The following COL21A1 variants were observed in gnomAD, a reference collection of about 807,000 sequenced individuals.
The protein encoded by COL21A1 is collagen type XXI alpha 1 chain, also known as collagen alpha-1(XXI) chain.
Under a neutral mutation model 137.9 loss-of-function variants are expected in COL21A1, and 149 were observed. That is an observed-to-expected ratio of 1.08 (90% CI 0.95 to 1.24). The LOEUF (loss-of-function observed/expected upper bound fraction) is 1.24, where lower values mean the gene tolerates loss of function less well. COL21A1 is among the 50% of genes most tolerant of loss of function. COL21A1 has a pLI of 0.00. For missense variants in COL21A1, 1,167 were observed against 1,158.4 expected (o/e 1.01, Z -0.11); for synonymous variants, 456 against 391.5 (o/e 1.16, Z -1.95).
rs1765261367 is a variant in COL21A1, at chr6:56,332,890, A to T, written c.-39+61081T>A. On this transcript the variant is annotated intron_variant, in intron 1 of 28. Coordinates refer to the COL21A1 transcript ENST00000370819. ...TGTTCTCATACCAACTACTTTGTAA[A>T]AACTCTTTAGGTGTTAAAAATTATA... Among the ~76,000 whole-genome samples, 3 of 152,054 alleles carry T rather than the reference A, an allele frequency of 2.0e-5. No individual in the cohort carries two copies. In the South Asian group the frequency reaches 6.2e-4, roughly 31 times the overall value.
intron 17 of COL21A1, among the ~76,000 whole-genome samples, chr6:56,082,080 C>T (rs141987067): frequency 6.6e-6 from 1 of 151,986 alleles, no homozygotes; most frequent in African/African-American, 2.4e-5. Flanking sequence ...AACAATGTTA[C>T]GTTGCAAAAG....
At chr6:56,280,323 T>C (rs1763761253) in intron 1 of COL21A1, among the ~76,000 whole-genome samples, 1 of 152,190 alleles carries the variant, frequency 6.6e-6, no homozygotes, top group African/African-American at 2.4e-5. Context: ...GGACCAGGCT[T>C]TTATTGCTCG....
chr6:56,352,971 G>A (rs567911439), intron 1 of COL21A1, among the ~76,000 whole-genome samples: 1 of 152,308 alleles, frequency 6.6e-6, no homozygotes, highest in South Asian at 2.1e-4. Flanking sequence ...AATCGGGGAA[G>A]TGGAGGTTGC....
At chr6:56,116,388 G>T (rs1354818782) in intron 16 of COL21A1, among the ~76,000 whole-genome samples, 1 of 87,690 alleles carries the variant, frequency 1.1e-5, no homozygotes, top group Non-Finnish European at 2.1e-5. Flanking sequence ...TTTTTTAAGT[G>T]CCAAAGGTAA....
rs1272887246 is a variant in COL21A1 at position 56,074,234 on chromosome 6, T to C, written c.1963A>G (p.Lys655Glu). 1 of 1,581,202 alleles carries C rather than the reference T, an allele frequency of 6.3e-7. No individual in the cohort carries two copies. The highest frequency in any genetic ancestry group is 8.6e-7 in the Non-Finnish European group (1 of 1,163,848). ...CTTGTTTATTTTATCATATTTACCT[T>C]AGATCCCGGTGTTCCAGGCTGGCCT... ...SPGQPGTPGSKGSKGEPGIQG... is the reference protein window; with the variant it reads ...SPGQPGTPGSEGSKGEPGIQG... The change falls in exon 20 of 30, where the codon AAG becomes GAG. Residue 655 changes from lysine to glutamate, a missense_variant and splice_region_variant. Coordinates refer to ENST00000244728, the MANE Select transcript of COL21A1 (RefSeq NM_030820.4).
At chr6:56,236,802 C>T (rs1200087133) in intron 1 of COL21A1, among the ~76,000 whole-genome samples, 1 of 151,992 alleles carries the variant, frequency 6.6e-6, no homozygotes, top group African/African-American at 2.4e-5. Flanking sequence ...TGAAATTAAA[C>T]TTGTCTACTC....
intron 1 of COL21A1, among the ~76,000 whole-genome samples, chr6:56,194,900 G>A (rs1169262530): frequency 6.6e-6 from 1 of 152,172 alleles, no homozygotes; most frequent in Non-Finnish European, 1.5e-5. Flanking sequence ...CTTTTAAAAG[G>A]TGATTGGGTC....
chr6:56,331,160 G>T (rs533328797), intron 1 of COL21A1, among the ~76,000 whole-genome samples: 1 of 151,606 alleles, frequency 6.6e-6, no homozygotes. Context: ...TTTTTTTCTT[G>T]TTGGATTGTT....
chr6:56,089,604 T>C (rs1231273418), intron 17 of COL21A1, among the ~76,000 whole-genome samples: 4 of 152,192 alleles, frequency 2.6e-5, no homozygotes, highest in Non-Finnish European at 5.9e-5. Context: ...TCAAAGTCTG[T>C]TTACATGACA....
intron 1 of COL21A1, among the ~76,000 whole-genome samples, chr6:56,389,663 A>T (rs1427593711): frequency 6.6e-6 from 1 of 152,244 alleles, no homozygotes; most frequent in Admixed American, 6.5e-5. Flanking sequence ...AAGGTCAAGG[A>T]TAAAAGATCC....
At chr6:56,279,456 G>T (rs545208416) in intron 1 of COL21A1, among the ~76,000 whole-genome samples, 1 of 152,132 alleles carries the variant, frequency 6.6e-6, no homozygotes, top group African/African-American at 2.4e-5. Context: ...GTAGTTCCTG[G>T]AATTGCTGAT....
chr6:56,075,622 T>C lies in COL21A1; in HGVS notation c.1858-90A>G, dbSNP rs1391956648. 3.3e-6 allele frequency: 3 copies of C among 909,540 alleles called. No homozygotes were observed. The East Asian group carries it at 8.4e-5, about 25-fold the overall frequency. 56.3% of individuals were successfully genotyped at this position (909,540 alleles called of 1,614,324 possible). Reference sequence around the variant, plus strand: ...CTGCCAAAGCACAATGGAATGACAATTGAATATCAATCAGTTCACCTTTTT... The same window carrying C: ...CTGCCAAAGCACAATGGAATGACAACTGAATATCAATCAGTTCACCTTTTT... On this transcript the variant is annotated intron_variant, in intron 18 of 29. Coordinates refer to ENST00000244728, the MANE Select transcript of COL21A1 (RefSeq NM_030820.4).
At chr6:56,183,494 C>A (rs1354080833) in intron 1 of COL21A1, among the ~76,000 whole-genome samples, 1 of 152,190 alleles carries the variant, frequency 6.6e-6, no homozygotes, top group Non-Finnish European at 1.5e-5. Context: ...TGCCACGCAA[C>A]AAGCATTCCT....
At chr6:56,147,870 A>G (rs2152245171) in intron 10 of COL21A1, among the ~76,000 whole-genome samples, 1 of 152,290 alleles carries the variant, frequency 6.6e-6, no homozygotes, top group South Asian at 2.1e-4. Flanking sequence ...ATACTCCGCA[A>G]GCCTGAGAGC....
intron 10 of COL21A1, among the ~76,000 whole-genome samples, chr6:56,152,029 T>G (rs1023725079): frequency 6.6e-6 from 1 of 152,324 alleles, no homozygotes; most frequent in Middle Eastern, 3.4e-3. Flanking sequence ...CTACTGCTGC[T>G]ATAACAAATT....
At chr6:56,067,238 C>T (rs62406152) in intron 23 of COL21A1, 57 bp downstream of exon 23, 199,411 of 1,409,464 alleles carry the variant, frequency 0.14, 14,689 homozygotes, top group Middle Eastern at 0.16. Flanking sequence ...AAAATAAGAA[C>T]TTTTTAAAAG....
intron 1 of COL21A1, among the ~76,000 whole-genome samples, chr6:56,188,395 TC>T (rs1778436913): frequency 6.6e-6 from 1 of 152,112 alleles, no homozygotes; most frequent in Non-Finnish European, 1.5e-5. Context: ...AACAGGACAA[TC>T]AATATACAAG....
intron 1 of COL21A1, among the ~76,000 whole-genome samples, chr6:56,243,945 A>T (rs1248966730): frequency 3.3e-5 from 5 of 152,236 alleles, no homozygotes; most frequent in Non-Finnish European, 7.3e-5. Flanking sequence ...AATGAAGCAA[A>T]CTAAAGAATT....
intron 1 of COL21A1, among the ~76,000 whole-genome samples, chr6:56,271,838 G>A (rs1161314070): frequency 9.2e-5 from 14 of 152,266 alleles, no homozygotes; most frequent in Non-Finnish European, 7.3e-5. Flanking sequence ...TTGCTTCAGA[G>A]GGTGCAAGCC....
Sources: gnomAD v4.1 joint callset for allele counts (sites outside exome capture counted in the v4.1 genomes callset) on GRCh38, gnomAD v4.1.1 for gene constraint, MANE v1.5 for transcripts, NCBI Gene and HGNC (gene_info 2026-07-23, HGNC 2026-07-21) for gene names.